The following CCDC171 variants were observed in gnomAD, a reference collection of about 807,000 sequenced individuals.
CCDC171 encodes the protein coiled-coil domain containing 171.
Under a neutral mutation model 168.2 loss-of-function variants are expected in CCDC171, and 177 were observed. The ratio of observed to expected loss-of-function variants is 1.05; its 90% CI spans 0.93 to 1.19. CCDC171 has a LOEUF of 1.19. CCDC171 is among the 50% of genes most tolerant of loss of function. The pLI, the probability that CCDC171 is intolerant of heterozygous loss-of-function variation, is 0.00. For missense variants in CCDC171, 1,991 were observed against 1,539.0 expected (o/e 1.29, Z -4.91); for synonymous variants, 687 against 540.8 (o/e 1.27, Z -3.75).
rs571460711 is a variant in CCDC171, at chr9:15,704,716, C to T, written c.1318+9379C>T. Among the ~76,000 whole-genome samples, 19 of 152,276 alleles carry T rather than the reference C, an allele frequency of 1.2e-4. No individual in the cohort carries two copies. The South Asian group carries it at 3.9e-3, about 32-fold the overall frequency. On this transcript the variant is annotated intron_variant, in intron 11 of 25. Transcript: ENST00000380701. ...CTACATTAAGAAACTTTCCGATGCACATGTCCCACCAGCTTATATTCAGGT... is the reference window on the plus strand; with the variant it reads ...CTACATTAAGAAACTTTCCGATGCATATGTCCCACCAGCTTATATTCAGGT...
At chr9:16,069,472 C>T in the CCDC171 span, among the ~76,000 whole-genome samples, 1 of 152,138 alleles carries the variant, frequency 6.6e-6, no homozygotes, top group East Asian at 1.9e-4. Flanking sequence ...AAGGCGCCAG[C>T]GTGCGAGCCT....
At chr9:16,067,549 C>T in the CCDC171 span, among the ~76,000 whole-genome samples, 2 of 152,202 alleles carry the variant, frequency 1.3e-5, no homozygotes, top group Non-Finnish European at 2.9e-5. Flanking sequence ...TGCCCATGTC[C>T]TGAATAGTAA....
chr9:16,097,306 C>A, the CCDC171 span, among the ~76,000 whole-genome samples: 2 of 152,168 alleles, frequency 1.3e-5, no homozygotes, highest in African/African-American at 2.4e-5. Context: ...AAGACACAAT[C>A]TAAGGGTGGA....
In CCDC171 at chr9:15,571,618, T is replaced by G. The variant is rs776995040; in HGVS notation, c.42-6T>G. On this transcript the variant is annotated splice_region_variant and splice_polypyrimidine_tract_variant and intron_variant, in intron 2 of 25. Coordinates refer to ENST00000380701, the MANE Select transcript of CCDC171 (RefSeq NM_173550.4). ...ATATACATTTTACTGTAATCTCATTTTAAAGGTTGAAGATTGCCTCATTGG... is the reference window on the plus strand; with the variant it reads ...ATATACATTTTACTGTAATCTCATTGTAAAGGTTGAAGATTGCCTCATTGG... 6.5e-7 allele frequency: 1 copy of G among 1,537,476 alleles called. No homozygotes were observed. The highest frequency in any genetic ancestry group is 8.7e-7 in the Non-Finnish European group (1 of 1,147,180).
chr9:15,560,426 C>A (rs899995736), intron 1 of CCDC171, among the ~76,000 whole-genome samples: 1 of 152,118 alleles, frequency 6.6e-6, no homozygotes, highest in African/African-American at 2.4e-5. Context: ...TTGTTCATTT[C>A]TTTTTACTCT....
At chr9:15,892,105 C>G (rs1480431842) in intron 24 of CCDC171, among the ~76,000 whole-genome samples, 2 of 152,272 alleles carry the variant, frequency 1.3e-5, no homozygotes, top group Admixed American at 1.3e-4. Flanking sequence ...ATTTCCCCAA[C>G]TTGAAAAATG....
Position 15,971,897 on chromosome 9 carries a change from G to A in CCDC171, c.*61G>A. On this transcript the variant is annotated 3_prime_UTR_variant, in exon 26 of 26. Coordinates refer to ENST00000380701, the MANE Select transcript of CCDC171 (RefSeq NM_173550.4). ...GTACAATTAAAATTGTTTTGAATGG[G>A]AATTTTCTTATCAGTTGACTTTTGT... 7.1e-7 allele frequency: 1 copy of A among 1,405,252 alleles called. No homozygotes were observed. The allele number at this position is 1,405,252 out of a possible 1,614,324, so 87.0% of individuals were successfully genotyped here.
intron 4 of CCDC171, chr9:15,587,597 C>G (rs547154579): frequency 2.2e-6 from 1 of 456,256 alleles, no homozygotes; most frequent in South Asian, 1.6e-5. Flanking sequence ...CCTAATGATA[C>G]TGATGTTGGA....
chr9:16,107,381 C>G, the CCDC171 span, among the ~76,000 whole-genome samples: 1 of 152,088 alleles, frequency 6.6e-6, no homozygotes, highest in Non-Finnish European at 1.5e-5. Context: ...TATCTGAGCT[C>G]TATATGTAAA....
intron 25 of CCDC171, among the ~76,000 whole-genome samples, chr9:15,935,176 T>A (rs745593169): frequency 2.0e-5 from 3 of 152,084 alleles, no homozygotes; most frequent in Non-Finnish European, 4.4e-5. Context: ...GTGTATTTTA[T>A]CTCATTAAAA....
chr9:15,569,492 C>A (rs979915237), intron 2 of CCDC171, among the ~76,000 whole-genome samples: 1 of 152,062 alleles, frequency 6.6e-6, no homozygotes, highest in African/African-American at 2.4e-5. Context: ...AGATTTTGAA[C>A]TTCTTGGACA....
At chr9:15,970,976 A>C (rs1355831776) in intron 25 of CCDC171, among the ~76,000 whole-genome samples, 1 of 152,156 alleles carries the variant, frequency 6.6e-6, no homozygotes, top group Non-Finnish European at 1.5e-5. Flanking sequence ...CCATGTAACA[A>C]ATCTGCACGT....
chr9:15,979,098 C>T (rs1267547673), intron 3 of CCDC171, among the ~76,000 whole-genome samples: 1 of 152,182 alleles, frequency 6.6e-6, no homozygotes, highest in African/African-American at 2.4e-5. Flanking sequence ...TAATATTCCA[C>T]TATATGAATA....
intron 21 of CCDC171, among the ~76,000 whole-genome samples, chr9:15,801,707 AG>A (rs753796501): frequency 2.6e-5 from 4 of 152,030 alleles, no homozygotes; most frequent in Non-Finnish European, 5.9e-5. Flanking sequence ...CTTAGAGGAA[AG>A]GGTTTCATTT....
chr9:15,714,708 T>C, intron 11 of CCDC171, among the ~76,000 whole-genome samples: 2 of 152,222 alleles, frequency 1.3e-5, no homozygotes, highest in East Asian at 3.8e-4. Context: ...ACCCATCGTC[T>C]TTATTCACAG....
At chr9:15,926,468 G>A (rs1288637946) in intron 25 of CCDC171, among the ~76,000 whole-genome samples, 1 of 151,420 alleles carries the variant, frequency 6.6e-6, no homozygotes, top group East Asian at 1.9e-4. Flanking sequence ...AATCTGATTT[G>A]ATTCCACTTC....
chr9:16,010,917 G>T (rs532257205), intron 3 of CCDC171, among the ~76,000 whole-genome samples: 3 of 152,238 alleles, frequency 2.0e-5, no homozygotes, highest in Admixed American at 2.0e-4. Context: ...ACCCACATCT[G>T]ACTGTCATGT....
the CCDC171 span, among the ~76,000 whole-genome samples, chr9:16,091,375 G>A: frequency 6.6e-6 from 1 of 152,230 alleles, no homozygotes; most frequent in Non-Finnish European, 1.5e-5. Flanking sequence ...AGACCCAAGA[G>A]GTGGAGCATG....
At chr9:15,762,796 T>C (rs773658582) in intron 18 of CCDC171, among the ~76,000 whole-genome samples, 1 of 152,204 alleles carries the variant, frequency 6.6e-6, no homozygotes, top group Non-Finnish European at 1.5e-5. Flanking sequence ...CAGTCACCCC[T>C]GCTCCTACCT....
Sources: allele counts gnomAD v4.1 joint callset (sites outside exome capture counted in the v4.1 genomes callset), GRCh38; gene constraint gnomAD v4.1.1; transcripts MANE v1.5; gene names NCBI Gene and HGNC (gene_info 2026-07-23, HGNC 2026-07-21).